Variants in PTPRD observed in about 807,000 individuals in gnomAD.
The protein encoded by PTPRD is receptor-type tyrosine-protein phosphatase delta.
A neutral mutation model predicts 214.5 loss-of-function variants in PTPRD; 34 were observed. The observed-to-expected ratio is 0.16, with a 90% CI of 0.12 to 0.21. The LOEUF (loss-of-function observed/expected upper bound fraction) is 0.21. PTPRD is among the 10% of genes least tolerant of loss of function. PTPRD has a pLI of 1.00. For synonymous variants in PTPRD, 1,128 were observed against 845.7 expected, an observed-to-expected ratio of 1.33 and a Z score of -5.79; for missense variants, 2,545 against 2,398.7, an observed-to-expected ratio of 1.06 and a Z score of -1.27.
chr9:9,256,035 T>C (rs2099977558), intron 9 of PTPRD, among the ~76,000 whole-genome samples: 1 of 152,168 alleles, frequency 6.6e-6, no homozygotes, highest in Middle Eastern at 3.4e-3. Context: ...ATAACTTTAT[T>C]GAACTTTAGA....
At chr9:10,419,896 G>C (rs1165619349) in intron 2 of PTPRD, among the ~76,000 whole-genome samples, 2 of 151,542 alleles carry the variant, frequency 1.3e-5, no homozygotes, top group South Asian at 2.1e-4. Context: ...TTATTTATTT[G>C]GTTAAGTTTT....
At chr9:8,560,438 C>CAT (rs2085726634) in intron 14 of PTPRD, among the ~76,000 whole-genome samples, 1 of 109,596 alleles carries the variant, frequency 9.1e-6, no homozygotes, top group Non-Finnish European at 1.8e-5. Flanking sequence ...AAAAAAAATA[C>CAT]ATACACACAC....
intron 4 of PTPRD, among the ~76,000 whole-genome samples, chr9:10,019,397 T>C (rs2096796285): frequency 6.6e-6 from 1 of 152,074 alleles, no homozygotes; most frequent in South Asian, 2.1e-4. Context: ...GAACTAGAAA[T>C]ACCATTTGAC....
intron 8 of PTPRD, among the ~76,000 whole-genome samples, chr9:9,491,779 T>A (rs1265034929): frequency 6.6e-6 from 1 of 151,446 alleles, no homozygotes; most frequent in Non-Finnish European, 1.5e-5. Context: ...TGCAGAAAAA[T>A]TTATGAACAC....
At chr9:9,609,088 A>G (rs185453016) in intron 7 of PTPRD, among the ~76,000 whole-genome samples, 1 of 152,160 alleles carries the variant, frequency 6.6e-6, no homozygotes, top group Non-Finnish European at 1.5e-5. Flanking sequence ...ATTGCTTAAG[A>G]AGTGAAGAAA....
intron 11 of PTPRD, among the ~76,000 whole-genome samples, chr9:9,007,661 T>A (rs1367171654): frequency 1.3e-4 from 19 of 151,186 alleles, no homozygotes; most frequent in Admixed American, 1.3e-3. Flanking sequence ...TTTAGATACC[T>A]ATGTATAGTT....
At chr9:8,726,600 T>A (rs1314258952) in intron 12 of PTPRD, among the ~76,000 whole-genome samples, 259 of 1,194 alleles carry the variant, frequency 0.22, 70 homozygotes, top group African/African-American at 0.56. Flanking sequence ...TATATATATA[T>A]ATATATATAT....
chr9:8,602,852 TTCCATC>T (rs931330009), intron 14 of PTPRD, among the ~76,000 whole-genome samples: 2 of 152,246 alleles, frequency 1.3e-5, no homozygotes, highest in African/African-American at 2.4e-5. Context: ...CTAGCTTTAA[TTCCATC>T]TCCATCTCTA....
At chr9:10,419,728 T>A (rs940709299) in intron 2 of PTPRD, among the ~76,000 whole-genome samples, 2 of 151,832 alleles carry the variant, frequency 1.3e-5, no homozygotes, top group Non-Finnish European at 2.9e-5. Flanking sequence ...GAAAAGATTC[T>A]GCTATGCCAT....
At chr9:10,366,541 A>T (rs996760899) in intron 2 of PTPRD, among the ~76,000 whole-genome samples, 5 of 152,206 alleles carry the variant, frequency 3.3e-5, no homozygotes. Context: ...GTGAATTGTT[A>T]TACTTAAGAC....
At chr9:9,054,416 T>C (rs558741303) in intron 10 of PTPRD, among the ~76,000 whole-genome samples, 129 of 152,350 alleles carry the variant, frequency 8.5e-4, no homozygotes, top group Non-Finnish European at 1.6e-3. Flanking sequence ...TCTTCCTGAA[T>C]AAATGAAACA....
At chr9:9,232,157 C>T (rs575963590) in intron 9 of PTPRD, among the ~76,000 whole-genome samples, 2 of 152,236 alleles carry the variant, frequency 1.3e-5, no homozygotes, top group Admixed American at 6.5e-5. Context: ...GTTGACAAAA[C>T]TAAATTCTTT....
intron 3 of PTPRD, among the ~76,000 whole-genome samples, chr9:10,113,316 GGAAGT>G (rs965813126): frequency 6.6e-5 from 10 of 152,128 alleles, no homozygotes; most frequent in Non-Finnish European, 1.2e-4. Flanking sequence ...TGAGAGACAG[GGAAGT>G]GAAGTACCTT....
intron 9 of PTPRD, among the ~76,000 whole-genome samples, chr9:9,226,029 T>C (rs551757864): frequency 4.7e-4 from 72 of 152,090 alleles, no homozygotes; most frequent in African/African-American, 1.4e-3. Context: ...TAGGATCCTA[T>C]TGCACATAAG....
At chr9:9,996,883 G>A (rs2096139611) in intron 4 of PTPRD, among the ~76,000 whole-genome samples, 1 of 152,156 alleles carries the variant, frequency 6.6e-6, no homozygotes, top group South Asian at 2.1e-4. Flanking sequence ...GATTTTCAGA[G>A]TTGGCATATT....
chr9:10,062,168 C>T (rs1034280203), intron 3 of PTPRD, among the ~76,000 whole-genome samples: 5 of 152,006 alleles, frequency 3.3e-5, no homozygotes. Flanking sequence ...CAAAGGAGAA[C>T]TCAAATAACT....
intron 7 of PTPRD, among the ~76,000 whole-genome samples, chr9:9,692,773 T>G (rs1259626414): frequency 6.6e-6 from 1 of 152,014 alleles, no homozygotes; most frequent in Admixed American, 6.6e-5. Flanking sequence ...TGAAAATTGT[T>G]TCCATTTTTT....
chr9:9,423,687 A>C (rs949740211), intron 8 of PTPRD, among the ~76,000 whole-genome samples: 1 of 152,194 alleles, frequency 6.6e-6, no homozygotes, highest in Admixed American at 6.5e-5. Context: ...AATCTATGAA[A>C]AATAATCAAA....
At chr9:10,348,634 CCT>C (rs916603799) in intron 2 of PTPRD, among the ~76,000 whole-genome samples, 3 of 152,092 alleles carry the variant, frequency 2.0e-5, no homozygotes, top group Non-Finnish European at 4.4e-5. Flanking sequence ...GTTTACCTCC[CCT>C]GTTTGCATAT....
Sources: allele counts gnomAD v4.1 joint callset (sites outside exome capture counted in the v4.1 genomes callset), GRCh38; gene constraint gnomAD v4.1.1; transcripts MANE v1.5; gene names NCBI Gene and HGNC (gene_info 2026-07-23, HGNC 2026-07-21).